The following ZNF618 variants were observed in gnomAD, a reference collection of about 807,000 sequenced individuals.
ZNF618 encodes the protein neural precursor cell expressed, developmentally down-regulated 10.
Under a neutral mutation model 103.0 loss-of-function variants are expected in ZNF618, and 34 were observed. That is an observed-to-expected ratio of 0.33 (90% CI 0.25 to 0.44). The LOEUF is 0.44. Among genes scored for constraint, ZNF618 ranks in the 20% least tolerant of loss-of-function variants. The pLI, the probability that ZNF618 is intolerant of heterozygous loss-of-function variation, is 1.00. For missense variants in ZNF618, 1,059 were observed against 1,295.4 expected (o/e 0.82, Z 2.80); for synonymous variants, 551 against 542.2 (o/e 1.02, Z -0.23).
intron 4 of ZNF618, among the ~76,000 whole-genome samples, chr9:114,000,526 A>T (rs1463430495): frequency 7.6e-6 from 1 of 131,284 alleles, no homozygotes; most frequent in Non-Finnish European, 1.7e-5. Context: ...AGTGTATTTT[A>T]TGTGTGGCCC....
At chr9:114,035,389 G>T (rs974473773) in intron 12 of ZNF618, among the ~76,000 whole-genome samples, 3 of 152,156 alleles carry the variant, frequency 2.0e-5, no homozygotes, top group Non-Finnish European at 2.9e-5. Context: ...GCAGGCCGAG[G>T]TCCAGCCCTG....
chr9:113,968,283 G>A (rs1243025577), intron 1 of ZNF618, among the ~76,000 whole-genome samples: 3 of 152,150 alleles, frequency 2.0e-5, no homozygotes, highest in East Asian at 1.9e-4. Flanking sequence ...GACATAGGGC[G>A]GTACATTACC....
intron 1 of ZNF618, among the ~76,000 whole-genome samples, chr9:113,952,544 G>A (rs567956890): frequency 1.6e-4 from 25 of 152,334 alleles, no homozygotes; most frequent in African/African-American, 3.6e-4. Flanking sequence ...TTCCCTTTTG[G>A]GGGAGTTAGG....
chr9:113,882,093 A>G (rs1251418070), intron 1 of ZNF618, among the ~76,000 whole-genome samples: 2 of 152,238 alleles, frequency 1.3e-5, no homozygotes, highest in African/African-American at 4.8e-5. Context: ...GAAGGAGATC[A>G]GAGGTAAAAG....
chr9:113,990,998 T>G (rs1291164138), intron 3 of ZNF618, among the ~76,000 whole-genome samples: 1 of 152,212 alleles, frequency 6.6e-6, no homozygotes, highest in Non-Finnish European at 1.5e-5. Context: ...TAAGACTCAT[T>G]AGACCCAGTA....
chr9:113,900,005 T>C (rs1166071751), intron 1 of ZNF618, among the ~76,000 whole-genome samples: 1 of 152,190 alleles, frequency 6.6e-6, no homozygotes, highest in East Asian at 1.9e-4. Flanking sequence ...ATGGAATTGC[T>C]GGATCATATG....
chr9:113,886,644 G>T (rs1172629108), intron 1 of ZNF618, among the ~76,000 whole-genome samples: 1 of 152,100 alleles, frequency 6.6e-6, no homozygotes, highest in Non-Finnish European at 1.5e-5. Context: ...TCAGGGAAGA[G>T]AAACTTCCCT....
chr9:113,920,403 CA>C (rs1053367915), intron 1 of ZNF618, among the ~76,000 whole-genome samples: 3 of 114,574 alleles, frequency 2.6e-5, no homozygotes, highest in South Asian at 2.8e-4. Flanking sequence ...TTCAGAGTCA[CA>C]ATTTTTTTTT....
intron 2 of ZNF618, among the ~76,000 whole-genome samples, chr9:113,971,519 G>A (rs1221511832): frequency 6.6e-6 from 1 of 152,154 alleles, no homozygotes; most frequent in East Asian, 1.9e-4. Flanking sequence ...AGACATTCTA[G>A]TGTCTCCTGC....
chr9:113,910,113 G>A (rs1389208303), intron 1 of ZNF618, among the ~76,000 whole-genome samples: 3 of 151,820 alleles, frequency 2.0e-5, no homozygotes, highest in Non-Finnish European at 4.4e-5. Context: ...ACCACTCCCC[G>A]CCTGGCTGCC....
intron 2 of ZNF618, among the ~76,000 whole-genome samples, chr9:113,983,651 G>C (rs1011319337): frequency 6.6e-6 from 1 of 152,194 alleles, no homozygotes; most frequent in African/African-American, 2.4e-5. Flanking sequence ...CTTTTCATGG[G>C]AAAAAGACAT....
chr9:113,878,033 T>A (rs1231374066), intron 1 of ZNF618, among the ~76,000 whole-genome samples: 4 of 151,364 alleles, frequency 2.6e-5, no homozygotes, highest in South Asian at 2.1e-4. Context: ...TTTGAAAAAT[T>A]TATTACTTAA....
intron 1 of ZNF618, among the ~76,000 whole-genome samples, chr9:113,899,243 G>A (rs117660358): frequency 0.011 from 1,660 of 151,960 alleles, 14 homozygotes; most frequent in Non-Finnish European, 0.016. Flanking sequence ...CCAATCTCCA[G>A]AACTCTTCTC....
At chr9:113,909,574 TGACTTGCTTTCCTCCCTGG>T (rs1831318292) in intron 1 of ZNF618, among the ~76,000 whole-genome samples, 1 of 152,050 alleles carries the variant, frequency 6.6e-6, no homozygotes, top group Non-Finnish European at 1.5e-5. Flanking sequence ...ATGAGGGTGG[TGACTTGCTTTCCTCCCTGG>T]GACTTGCTAG....
intron 3 of ZNF618, among the ~76,000 whole-genome samples, chr9:113,990,339 C>A (rs1424689817): frequency 6.6e-6 from 1 of 152,190 alleles, no homozygotes. Context: ...GCTCCAGGAC[C>A]TGCCTGATTT....
rs1253632577 is a variant in ZNF618 at position 114,055,042 on chromosome 9, C to T, written c.*4875C>T. ...ATTTGGGTGTTAGCATCACGACCCA[C>T]GAGGGCCCTGCCCAACCGTGCGTCC... On this transcript the variant is annotated 3_prime_UTR_variant, in exon 15 of 15. Transcript: ENST00000374126. The T allele has an allele frequency of 1.3e-5, 2 of 151,462 alleles. No individual in the cohort carries two copies. The highest frequency in any genetic ancestry group is 1.3e-4 in the Admixed American group (2 of 15,128). The allele number at this position is 151,462 out of a possible 1,614,324, so 9.4% of individuals were successfully genotyped here.
At chr9:113,951,551 A>ATATATGTC (rs1430133742) in intron 1 of ZNF618, among the ~76,000 whole-genome samples, 1 of 51,196 alleles carries the variant, frequency 2.0e-5, no homozygotes, top group African/African-American at 5.6e-5. Context: ...ATGTACACAT[A>ATATATGTC]TGTGTGTGTA....
intron 1 of ZNF618, among the ~76,000 whole-genome samples, chr9:113,913,997 G>C (rs1831817350): frequency 6.6e-6 from 1 of 152,146 alleles, no homozygotes; most frequent in Non-Finnish European, 1.5e-5. Flanking sequence ...TAAAGGCTCT[G>C]AAAAGTCCTG....
At chr9:113,982,995 C>T (rs943987524) in intron 2 of ZNF618, among the ~76,000 whole-genome samples, 18 of 152,080 alleles carry the variant, frequency 1.2e-4, no homozygotes, top group Admixed American at 3.3e-4. Context: ...TGAAGTGTGA[C>T]TCGGGTTAAA....
Sources: gnomAD v4.1 joint callset for allele counts (sites outside exome capture counted in the v4.1 genomes callset) on GRCh38, gnomAD v4.1.1 for gene constraint, MANE v1.5 for transcripts, NCBI Gene and HGNC (gene_info 2026-07-23, HGNC 2026-07-21) for gene names.